CETP: variants seen among roughly 807,000 people sequenced by gnomAD.
The protein encoded by CETP is BPI fold containing family F.
CETP carries 56 observed loss-of-function variants against 66.5 expected under a neutral mutation model. That is an observed-to-expected ratio of 0.84 (90% confidence interval 0.68 to 1.05). The LOEUF (loss-of-function observed/expected upper bound fraction) is 1.05, where lower values mean the gene tolerates loss of function less well. CETP is among the 50% of genes least tolerant of loss of function. CETP has a pLI of 0.00. For synonymous variants in CETP, 251 were observed against 245.7 expected, an observed-to-expected ratio of 1.02 and a Z score of -0.20; for missense variants, 612 against 609.6, an observed-to-expected ratio of 1.00 and a Z score of -0.04.
At position 56,973,416 on chromosome 16, in the gene CETP, A is replaced by C. The variant is rs2056127594; in HGVS notation, c.836A>C (p.Tyr279Ser). 1 of 1,614,152 alleles carries C rather than the reference A, an allele frequency of 6.2e-7. No individual in the cohort carries two copies. The highest frequency in any genetic ancestry group is 8.5e-7 in the Non-Finnish European group (1 of 1,180,010). The change falls in exon 9 of 16, where the codon TAC becomes TCC. Residue 279 changes from tyrosine to serine, a missense_variant. Transcript: ENST00000200676. ...PTLLGDSRMLYFWFSERVFHS... is the reference protein window; with the variant it reads ...PTLLGDSRMLSFWFSERVFHS... ...CTGCTGGGGGACTCCCGCATGCTGT[A>C]CTTCTGGTTCTCTGAGCGAGTCTTC... is the stretch of plus-strand genomic sequence containing the variant.
chr16:56,971,186 G>A, intron 6 of CETP, 84 bp downstream of exon 6: 8 of 1,530,836 alleles, frequency 5.2e-6, no homozygotes, highest in South Asian at 1.1e-5. Context: ...TCCCTGAGAA[G>A]GTGCCACTCC....
Position 56,963,132 on chromosome 16 carries a change from G to T in CETP, c.233+8G>T, listed in dbSNP as rs370185178. 9.3e-6 allele frequency: 15 copies of T among 1,610,892 alleles called. No homozygotes were observed. The South Asian group carries it at 1.2e-4, about 13-fold the overall frequency. On this transcript the variant is annotated splice_region_variant and intron_variant, in intron 2 of 15. Transcript: ENST00000200676. ...CAAGTATGGGTTGCACAAGTGAGTCGGGCCTCGGGTGTGACCAGGCTGGGG... is the reference window on the plus strand; with the variant it reads ...CAAGTATGGGTTGCACAAGTGAGTCTGGCCTCGGGTGTGACCAGGCTGGGG...
At chr16:56,973,803 G>A (rs1199470021) in intron 9 of CETP, among the ~76,000 whole-genome samples, 1 of 152,216 alleles carries the variant, frequency 6.6e-6, no homozygotes, top group Non-Finnish European at 1.5e-5. Context: ...CCTGTCTCAA[G>A]AGCGGAGCTC....
At chr16:56,974,506 G>C (rs1323807171) in intron 9 of CETP, among the ~76,000 whole-genome samples, 1 of 152,230 alleles carries the variant, frequency 6.6e-6, no homozygotes. Context: ...CAGATAGATA[G>C]ATGGATAGAT....
Position 56,962,013 on chromosome 16 carries a change from C to G in CETP, c.34C>G (p.Leu12Val). Residue 12 changes from leucine (L) to valine (V), a missense_variant, in exon 1 of 16, where the codon CTG becomes GTG. Coordinates refer to ENST00000200676, the MANE Select transcript of CETP (RefSeq NM_000078.3). ...LAATVLTLALLGNAHACSKGT... is the reference protein window; with the variant it reads ...LAATVLTLALVGNAHACSKGT... The stretch of plus-strand genomic sequence containing the variant: ...TGCCACAGTCCTGACCCTGGCCCTG[C>G]TGGGCAATGCCCATGCCTGCTCCAA... 1 of 1,614,126 alleles carries G rather than the reference C, an allele frequency of 6.2e-7. No individual in the cohort carries two copies. The highest frequency in any genetic ancestry group is 1.6e-4 in the Middle Eastern group (1 of 6,062).
At chr16:56,971,456 C>T in intron 7 of CETP, 75 bp downstream of exon 7, 3 of 1,287,822 alleles carry the variant, frequency 2.3e-6, no homozygotes, top group African/African-American at 1.4e-5. Context: ...ACTATGTGGC[C>T]TTGGGACTGT....
intron 2 of CETP, among the ~76,000 whole-genome samples, chr16:56,968,775 T>C (rs911651807): frequency 2.0e-5 from 3 of 152,034 alleles, no homozygotes; most frequent in Non-Finnish European, 4.4e-5. Flanking sequence ...GTTGATTTTG[T>C]TGATCTTTTG....
chr16:56,969,449 T>G lies in CETP; in HGVS notation c.297T>G (p.Ile99Met). 6.2e-7 allele frequency: 1 copy of G among 1,614,188 alleles called. No homozygotes were observed. The highest frequency in any genetic ancestry group is 8.5e-7 in the Non-Finnish European group (1 of 1,180,022). The part of the protein sequence containing the change: ...SQVELVEAKS[I>M]DVSIQNVSVV... ...TGGAGCTGGTGGAAGCCAAGTCCAT[T>G]GATGTCTCCATTCAGAACGTGTCTG... Residue 99 changes from isoleucine to methionine, a missense_variant, in exon 3 of 16, where the codon ATT (isoleucine) becomes ATG (methionine). Coordinates refer to ENST00000200676, the MANE Select transcript of CETP (RefSeq NM_000078.3).
chr16:56,969,731 G>A lies in CETP; in HGVS notation c.439+50G>A, dbSNP rs768657302. Reference sequence around the variant, plus strand: ...AAGTGGGAGCTGGACTCCAGGGCTTGGCCTCAGCAGAGGGGGAGGTTGTGC... The same window carrying A: ...AAGTGGGAGCTGGACTCCAGGGCTTAGCCTCAGCAGAGGGGGAGGTTGTGC... On this transcript the variant is annotated intron_variant, in intron 4 of 15. Transcript: ENST00000200676. 17 of 1,604,248 alleles carry A rather than the reference G, an allele frequency of 1.1e-5. No homozygotes were observed. The South Asian group carries it at 1.9e-4, about 18-fold the overall frequency.
At chr16:56,962,744 T>A (rs1445495953) in intron 1 of CETP, among the ~76,000 whole-genome samples, 2 of 151,936 alleles carry the variant, frequency 1.3e-5, no homozygotes, top group African/African-American at 4.8e-5. Context: ...CCCCATTTGC[T>A]AGGATCGTGG....
intron 2 of CETP, among the ~76,000 whole-genome samples, chr16:56,968,107 T>C (rs1282364580): frequency 6.6e-6 from 1 of 152,126 alleles, no homozygotes; most frequent in African/African-American, 2.4e-5. Flanking sequence ...TATATATTTA[T>C]GGGGTACATG....
intron 8 of CETP, among the ~76,000 whole-genome samples, 197 bp from the exon 9 acceptor site, chr16:56,973,134 T>C (rs1388244340): frequency 1.3e-5 from 2 of 152,218 alleles, no homozygotes; most frequent in East Asian, 3.8e-4. Flanking sequence ...CCCACGGTGG[T>C]TGAGACATAG....
chr16:56,983,346 G>A lies in CETP; in HGVS notation c.1342G>A (p.Ala448Thr), dbSNP rs1229110147. Reference protein sequence around the residue: ...VMSRLEVVFTALMNSKGVSLF... With the variant: ...VMSRLEVVFTTLMNSKGVSLF... ...CCCAGGGCTCGAGGTAGTGTTTACA[G>A]CCCTCATGAACAGCAAAGGCGTGAG... The change falls in exon 15 of 16, where the codon GCC becomes ACC. Residue 448 changes from alanine (A) to threonine (T), a missense_variant. Transcript: ENST00000200676. The A allele has an allele frequency of 4.3e-6, 7 of 1,614,104 alleles. No individual in the cohort carries two copies. The highest frequency in any genetic ancestry group is 5.9e-6 in the Non-Finnish European group (7 of 1,180,036).
intron 9 of CETP, among the ~76,000 whole-genome samples, chr16:56,974,610 C>A (rs1327071957): frequency 8.5e-5 from 13 of 152,186 alleles, no homozygotes; most frequent in African/African-American, 3.1e-4. Context: ...ACATTTATTG[C>A]AGTTATATTT....
intron 10 of CETP, among the ~76,000 whole-genome samples, chr16:56,976,540 C>A (rs1303665006): frequency 6.6e-6 from 1 of 151,432 alleles, no homozygotes; most frequent in African/African-American, 2.4e-5. Flanking sequence ...AGCACAATCT[C>A]AACTCACTGC....
intron 2 of CETP, among the ~76,000 whole-genome samples, chr16:56,965,761 A>G (rs1247429178): frequency 2.6e-5 from 4 of 152,120 alleles, no homozygotes; most frequent in African/African-American, 9.7e-5. Flanking sequence ...GTAGAGGGAT[A>G]TGAGAGTGAA....
At chr16:56,975,281 G>A (rs559641087) in intron 10 of CETP, 130 bp downstream of exon 10, 24 of 799,784 alleles carry the variant, frequency 3.0e-5, no homozygotes, top group African/African-American at 8.5e-5. Context: ...GCTCCTACTC[G>A]GTTGTTCGGC....
chr16:56,982,277 A>T, intron 14 of CETP, 40 bp downstream of exon 14: 1 of 1,593,050 alleles, frequency 6.3e-7, no homozygotes, highest in Non-Finnish European at 8.6e-7. Context: ...GCCGAGGCTG[A>T]CAGAGCTTCC....
intron 13 of CETP, 87 bp downstream of exon 13, chr16:56,981,767 C>A: frequency 7.4e-7 from 1 of 1,344,002 alleles, no homozygotes; most frequent in Non-Finnish European, 1.1e-6. Flanking sequence ...TAAAGGAAAT[C>A]AGGCAACCAG....
Sources: gnomAD v4.1 joint callset for allele counts (sites outside exome capture counted in the v4.1 genomes callset) on GRCh38, gnomAD v4.1.1 for gene constraint, MANE v1.5 for transcripts, NCBI Gene and HGNC (gene_info 2026-07-23, HGNC 2026-07-21) for gene names.